Variants in SIK2 observed in about 807,000 individuals in gnomAD.
SIK2 encodes the protein serine/threonine-protein kinase SIK2.
SIK2 carries 29 observed loss-of-function variants against 103.2 expected under a neutral mutation model. The observed-to-expected ratio is 0.28, with a 90% CI of 0.21 to 0.38. The LOEUF (loss-of-function observed/expected upper bound fraction) is 0.38. Ranked by LOEUF, SIK2 falls within the 10% of genes least tolerant of loss-of-function variation. The probability of loss-of-function intolerance (pLI) is 1.00; values close to 1 mark genes in which losing one functional copy is unlikely to be tolerated. For synonymous variants in SIK2, 412 were observed against 446.1 expected (o/e 0.92, Z 0.96); for missense variants, 879 against 1,171.0 (o/e 0.75, Z 3.64).
intron 8 of SIK2, among the ~76,000 whole-genome samples, chr11:111,708,395 T>TA (rs1024830887): frequency 5.3e-5 from 8 of 150,856 alleles, no homozygotes; most frequent in Non-Finnish European, 8.9e-5. Flanking sequence ...AAGTAAAACA[T>TA]AAAAAAAAAT....
At chr11:111,619,957 A>G (rs1941860771) in intron 2 of SIK2, among the ~76,000 whole-genome samples, 1 of 152,222 alleles carries the variant, frequency 6.6e-6, no homozygotes, top group Non-Finnish European at 1.5e-5. Flanking sequence ...AGATGTTGAA[A>G]AGTAGATCTT....
rs777894052 is a variant in SIK2, at chr11:111,723,942, G to A, written c.2594G>A (p.Cys865Tyr). ...CCTGCGCCAGACTATCCCACTCCCT[G>A]TCAGTATCCTGTGGATGGAGCCCAG... Reference protein sequence around the residue: ...ASPAPDYPTPCQYPVDGAQQS... With the variant: ...ASPAPDYPTPYQYPVDGAQQS... Residue 865 changes from cysteine to tyrosine, a missense_variant, in exon 15 of 15, where the codon TGT becomes TAT. Physicochemically the swap from Cys to Tyr is radical, Grantham distance 194. Coordinates refer to ENST00000304987, the MANE Select transcript of SIK2 (RefSeq NM_015191.3). 6.2e-7 allele frequency: 1 copy of A among 1,614,020 alleles called. No individual in the cohort carries two copies. Among genetic ancestry groups the A allele is most frequent in the Non-Finnish European group, 8.5e-7 (1 of 1,179,992 alleles).
chr11:111,723,002 G>C (rs1943848759), intron 14 of SIK2, among the ~76,000 whole-genome samples: 1 of 152,128 alleles, frequency 6.6e-6, no homozygotes. Flanking sequence ...TCCTCTTTGG[G>C]GTATGACTAG....
At position 111,722,021 on chromosome 11, in the gene SIK2, T is replaced by A; in HGVS notation, c.2055+81T>A. 1 of 1,114,000 alleles carries A rather than the reference T, an allele frequency of 9.0e-7. No homozygotes were observed. Among genetic ancestry groups the A allele is most frequent in the Non-Finnish European group, 1.2e-6 (1 of 805,616 alleles). The allele number at this position is 1,114,000 out of a possible 1,614,324, so 69.0% of individuals were successfully genotyped here. ...CTGCAAAGCAGAAACGTGTTTTGCC[T>A]GGCATTTATTTAGGGTAGCTGCTTG... On this transcript the variant is annotated intron_variant, in intron 13 of 14. Coordinates refer to ENST00000304987, the MANE Select transcript of SIK2 (RefSeq NM_015191.3). This position sits in a 1 kb window ranked among gnomAD's most constrained non-coding sequence, Gnocchi z 4.4.
intron 3 of SIK2, among the ~76,000 whole-genome samples, chr11:111,626,296 G>A (rs1436269075): frequency 2.0e-5 from 3 of 152,080 alleles, no homozygotes; most frequent in African/African-American, 4.8e-5. Flanking sequence ...TAAAGGAGAT[G>A]TGGAGATCAT....
Position 111,727,910 on chromosome 11 carries a change from G to C in SIK2, c.*3781G>C, listed in dbSNP as rs1944028135. The C allele has an allele frequency of 2.0e-5, 3 of 152,326 alleles. No homozygotes were observed. The highest frequency in any genetic ancestry group is 4.1e-4 in the South Asian group (2 of 4,828). The allele number at this position is 152,326 out of a possible 1,614,324, so 9.4% of individuals were successfully genotyped here. A position where few individuals can be genotyped will look rare whatever the true frequency, so the allele number is the denominator to read the frequency against. On this transcript the variant is annotated 3_prime_UTR_variant, in exon 15 of 15. Coordinates refer to ENST00000304987, the MANE Select transcript of SIK2 (RefSeq NM_015191.3). ...TTGGGGTCCTCCAGCCTCTAGTCAA[G>C]CCCCAGGTTCGTAAATATGTTTGTA...
At position 111,720,927 on chromosome 11, in the gene SIK2, G is replaced by C; in HGVS notation, c.1809G>C (p.Gln603His). 1 of 1,613,944 alleles carries C rather than the reference G, an allele frequency of 6.2e-7. No individual in the cohort carries two copies. The highest frequency in any genetic ancestry group is 8.5e-7 in the Non-Finnish European group (1 of 1,179,964). The change falls in exon 12 of 15, where the codon CAG (glutamine) becomes CAC (histidine). Residue 603 changes from glutamine (Q) to histidine (H), a missense_variant. Physicochemically the swap from Gln to His is conservative, Grantham distance 24. Coordinates refer to ENST00000304987, the MANE Select transcript of SIK2 (RefSeq NM_015191.3). ...QGIVAFRQHL[Q>H]NLARTKGILE... ...TTGTAGCATTTAGACAACATCTTCA[G>C]AATCTGGCTAGAACCAAAGGAATTC...
intron 3 of SIK2, among the ~76,000 whole-genome samples, chr11:111,667,028 C>A (rs1286635848): frequency 6.6e-6 from 1 of 151,376 alleles, no homozygotes; most frequent in African/African-American, 2.4e-5. Flanking sequence ...AGTGCAGTGA[C>A]ACGATCTTGG....
chr11:111,692,587 A>G (rs1376309786), intron 4 of SIK2, among the ~76,000 whole-genome samples: 1 of 152,102 alleles, frequency 6.6e-6, no homozygotes, highest in East Asian at 1.9e-4. Flanking sequence ...CGTGCTATAA[A>G]GTGTTTAGAT....
chr11:111,646,691 A>G (rs938897889), intron 3 of SIK2, among the ~76,000 whole-genome samples: 20 of 152,180 alleles, frequency 1.3e-4, no homozygotes, highest in Non-Finnish European at 2.6e-4. Context: ...TCTAGAATTT[A>G]ATAGAAATAG....
chr11:111,606,684 A>G (rs532079253), intron 1 of SIK2, among the ~76,000 whole-genome samples: 1 of 151,896 alleles, frequency 6.6e-6, no homozygotes, highest in African/African-American at 2.4e-5. Flanking sequence ...TGCATTTTAC[A>G]TTTTTTTTAG....
intron 3 of SIK2, among the ~76,000 whole-genome samples, chr11:111,665,703 A>G (rs1942530012): frequency 1.3e-5 from 2 of 151,910 alleles, no homozygotes; most frequent in African/African-American, 2.4e-5. Flanking sequence ...GCACATGCCT[A>G]TAATCCCAGC....
At chr11:111,605,592 C>T (rs1024569707) in intron 1 of SIK2, among the ~76,000 whole-genome samples, 1 of 152,128 alleles carries the variant, frequency 6.6e-6, no homozygotes, top group African/African-American at 2.4e-5. Context: ...TGTTTTAAAA[C>T]TTAGAGGTCT....
At position 111,705,102 on chromosome 11, in the gene SIK2, G is replaced by A. The variant is rs1048109568; in HGVS notation, c.1064G>A (p.Arg355His). Residue 355 changes from arginine to histidine, a missense_variant, in exon 8 of 15, where the codon CGT (arginine) becomes CAT (histidine). Around this residue, in one of 7 missense-constraint regions of SIK2, gnomAD observed 99 missense variants for 153.9 expected, o/e 0.64. Coordinates refer to ENST00000304987, the MANE Select transcript of SIK2 (RefSeq NM_015191.3). The surrounding 1 kb of genome is among the most constrained non-coding windows in gnomAD (Gnocchi z 4.3). ...PVEQRLDGRQ[R>H]RPSTIAEQTV... ...GAGCAGAGACTTGATGGCCGCCAGC[G>A]TCGGCCTAGCACCATTGCTGAGCAA... is the stretch of plus-strand genomic sequence containing the variant. The A allele has an allele frequency of 6.9e-6, 11 of 1,604,246 alleles. No homozygotes were observed. In the Admixed American group the frequency reaches 1.4e-4, roughly 20 times the overall value.
chr11:111,646,269 G>A (rs891857565), intron 3 of SIK2, among the ~76,000 whole-genome samples: 2 of 152,054 alleles, frequency 1.3e-5, no homozygotes, highest in Admixed American at 1.3e-4. Flanking sequence ...GACCAATATA[G>A]TGAAACCGCA....
rs563296558 is a variant in SIK2 at position 111,608,859 on chromosome 11, C to T, written c.135+6161C>T. Reference sequence around the variant, plus strand: ...AGGAGTATGTACATTACCTATCTTACGGTGTAGGATGCCAAATTACCCTCC... The same window carrying T: ...AGGAGTATGTACATTACCTATCTTATGGTGTAGGATGCCAAATTACCCTCC... On this transcript the variant is annotated intron_variant, in intron 1 of 14. Coordinates refer to ENST00000304987, the MANE Select transcript of SIK2 (RefSeq NM_015191.3). Among the ~76,000 whole-genome samples, 19 of 152,244 alleles carry T rather than the reference C, an allele frequency of 1.2e-4. No individual in the cohort carries two copies. In the South Asian group the frequency reaches 3.5e-3, roughly 28 times the overall value.
chr11:111,682,710 T>G, intron 3 of SIK2, among the ~76,000 whole-genome samples: 1 of 152,376 alleles, frequency 6.6e-6, no homozygotes, highest in East Asian at 1.9e-4. Flanking sequence ...AATATGATTT[T>G]ATGTATGTAC....
Position 111,647,748 on chromosome 11 carries a change from G to A in SIK2, c.316+27346G>A, listed in dbSNP as rs551200684. On this transcript the variant is annotated intron_variant, in intron 3 of 14. Coordinates refer to ENST00000304987, the MANE Select transcript of SIK2 (RefSeq NM_015191.3). ...CCGGGCGTGGTGGCAGGCACCTGTA[G>A]TCCCAGCTACTTGGGAGGCTGAGGC... Among the ~76,000 whole-genome samples, 33 of 151,800 alleles carry A rather than the reference G, an allele frequency of 2.2e-4. No homozygotes were observed. In the South Asian group the frequency reaches 6.6e-3, roughly 31 times the overall value.
intron 9 of SIK2, among the ~76,000 whole-genome samples, chr11:111,713,973 A>T (rs149022719): frequency 3.5e-4 from 54 of 152,364 alleles, no homozygotes; most frequent in East Asian, 9.6e-4. Context: ...TCTCAAAAAA[A>T]AAATAAATAA....
Sources: allele counts gnomAD v4.1 joint callset (sites outside exome capture counted in the v4.1 genomes callset), GRCh38; gene constraint gnomAD v4.1.1; regional missense constraint gnomAD v4.1.1; non-coding constraint Gnocchi (gnomAD v3.1); transcripts MANE v1.5; gene names NCBI Gene and HGNC (gene_info 2026-07-23, HGNC 2026-07-21).